Variants in STON2 observed in about 807,000 individuals in gnomAD.
STON2 encodes stonin 2.
Under a neutral mutation model 65.7 loss-of-function variants are expected in STON2, and 29 were observed. That is an observed-to-expected ratio of 0.44 (90% CI 0.33 to 0.60). The LOEUF (loss-of-function observed/expected upper bound fraction) is 0.60, where lower values mean the gene tolerates loss of function less well. STON2 is among the 20% of genes least tolerant of loss of function. The pLI is 0.03. For missense variants in STON2, 1,054 were observed against 1,118.1 expected (o/e 0.94, Z 0.82); for synonymous variants, 404 against 414.2 (o/e 0.98, Z 0.30).
intron 3 of STON2, among the ~76,000 whole-genome samples, chr14:81,376,249 C>G (rs957630639): frequency 6.6e-6 from 1 of 151,338 alleles, no homozygotes; most frequent in African/African-American, 2.4e-5. Flanking sequence ...TTAGAGAAGA[C>G]TAATAGAATT....
At position 81,263,344 on chromosome 14, in the gene STON2, G is replaced by T. The variant is rs1595257031; in HGVS notation, c.*5070C>A. On this transcript the variant is annotated 3_prime_UTR_variant, in exon 8 of 8. Transcript: ENST00000614646. ...ACCTGAGCTCAGAAGTTCAAGACCAGCTGGCCAACATAATGAAATCCCATC... is the reference window on the plus strand; with the variant it reads ...ACCTGAGCTCAGAAGTTCAAGACCATCTGGCCAACATAATGAAATCCCATC... Among the ~76,000 whole-genome samples the T allele has an allele frequency of 6.6e-6, 1 of 151,982 alleles. No homozygotes were observed. Among genetic ancestry groups the T allele is most frequent in the Non-Finnish European group, 1.5e-5 (1 of 67,966 alleles).
chr14:81,395,595 T>C (rs148964611), intron 3 of STON2: 4,319 of 310,352 alleles, frequency 0.014, 52 homozygotes, highest in Middle Eastern at 0.023. Context: ...TGAGTAAATA[T>C]AATTCCAATC....
At chr14:81,330,417 G>A (rs141532001) in intron 4 of STON2, among the ~76,000 whole-genome samples, 14 of 151,394 alleles carry the variant, frequency 9.2e-5, no homozygotes, top group Middle Eastern at 3.4e-3. Context: ...TTAGGGCTTT[G>A]GGATTTAGAG....
At position 81,264,878 on chromosome 14, in the gene STON2, G is replaced by A. The variant is rs1279137870; in HGVS notation, c.*3536C>T. On this transcript the variant is annotated 3_prime_UTR_variant, in exon 8 of 8. Transcript: ENST00000614646. ...GTCTCCCCACAAAGTGCCTCACATT[G>A]TCTTGTCTGACATGTCATGAGTACA... 5.1e-6 allele frequency: 5 copies of A among 985,282 alleles called. No individual in the cohort carries two copies. The highest frequency in any genetic ancestry group is 2.3e-4 in the East Asian group (2 of 8,828). 61.0% of individuals were successfully genotyped at this position (985,282 alleles called of 1,614,324 possible).
intron 3 of STON2, among the ~76,000 whole-genome samples, chr14:81,371,676 T>TAAAAAAAAAAAAAAA (rs34428344): frequency 1.0e-5 from 1 of 97,676 alleles, no homozygotes. Flanking sequence ...AGACTGAGTC[T>TAAAAAAAAAAAAAAA]AAAAAAAAAA....
At position 81,398,540 on chromosome 14, in the gene STON2, A is replaced by G; in HGVS notation, c.-158T>C. The G allele has an allele frequency of 2.0e-6, 1 of 498,374 alleles. No homozygotes were observed. Among genetic ancestry groups the G allele is most frequent in the Non-Finnish European group, 3.6e-6 (1 of 280,820 alleles). 30.9% of individuals were successfully genotyped at this position (498,374 alleles called of 1,614,324 possible). On this transcript the variant is annotated 5_prime_UTR_variant, in exon 2 of 8. Coordinates refer to ENST00000614646, the MANE Select transcript of STON2 (RefSeq NM_001394390.1). Reference sequence around the variant, plus strand: ...AGGGCAGTACTCAGAATGTAGACAGATCAGCCTCTCTTGCCGTTGGTTAAT... The same window carrying G: ...AGGGCAGTACTCAGAATGTAGACAGGTCAGCCTCTCTTGCCGTTGGTTAAT...
intron 4 of STON2, among the ~76,000 whole-genome samples, chr14:81,327,504 C>T (rs1169562436): frequency 2.0e-5 from 3 of 152,108 alleles, no homozygotes; most frequent in Admixed American, 6.5e-5. Flanking sequence ...AGTTAAAAGG[C>T]AGTCTTACGT....
chr14:81,404,573 GC>G (rs1447634392), upstream of STON2, among the ~76,000 whole-genome samples: 1 of 152,158 alleles, frequency 6.6e-6, no homozygotes, highest in Non-Finnish European at 1.5e-5. Flanking sequence ...CACTATCACA[GC>G]TCACTACAGC....
intron 2 of STON2, chr14:81,418,351 A>G (rs1385441334): frequency 6.6e-6 from 1 of 152,216 alleles, no homozygotes; most frequent in Non-Finnish European, 1.5e-5. Context: ...TGTCCCCATG[A>G]TTCAATGACC....
intron 4 of STON2, among the ~76,000 whole-genome samples, chr14:81,348,825 T>C (rs1897914301): frequency 1.3e-5 from 2 of 152,142 alleles, no homozygotes; most frequent in Non-Finnish European, 2.9e-5. Context: ...TCTGAAGGTA[T>C]CATACTACCT....
intron 2 of STON2, among the ~76,000 whole-genome samples, chr14:81,419,961 T>C (rs142555922): frequency 1.5e-3 from 225 of 152,270 alleles, no homozygotes; most frequent in African/African-American, 5.1e-3. Flanking sequence ...AACCTTCCAC[T>C]GGAGGGGCTG....
At position 81,399,812 on chromosome 14, in the gene STON2, G is replaced by A. The variant is rs151259368; in HGVS notation, c.-199+467C>T. ...CTTTTAGTGCTTCCAGGCCCTTTTG[G>A]TAAAATGCTTCCTCCAGGCTAAGTG... On this transcript the variant is annotated intron_variant, in intron 1 of 7. Transcript: ENST00000614646. Among the ~76,000 whole-genome samples, 34 of 152,196 alleles carry A rather than the reference G, an allele frequency of 2.2e-4. 2 individuals are homozygous for A. In the East Asian group the frequency reaches 6.4e-3, roughly 29 times the overall value.
At chr14:81,342,770 G>A (rs192341820) in intron 4 of STON2, among the ~76,000 whole-genome samples, 4 of 145,546 alleles carry the variant, frequency 2.7e-5, no homozygotes, top group Non-Finnish European at 4.4e-5. Flanking sequence ...GGTCTAGAAG[G>A]GGGGGCATGG....
intron 4 of STON2, among the ~76,000 whole-genome samples, chr14:81,354,745 A>G (rs1291684545): frequency 2.0e-5 from 3 of 152,198 alleles, no homozygotes; most frequent in Non-Finnish European, 2.9e-5. Flanking sequence ...GAGGCTGGGC[A>G]CGGTGGCTCA....
chr14:81,430,330 T>C (rs1595478043), intron 1 of STON2, among the ~76,000 whole-genome samples: 1 of 152,238 alleles, frequency 6.6e-6, no homozygotes, highest in African/African-American at 2.4e-5. Context: ...AGACTGAGCA[T>C]AATACTTCTC....
intron 1 of STON2, among the ~76,000 whole-genome samples, chr14:81,435,671 GCA>G (rs1902389579): frequency 6.6e-6 from 1 of 151,100 alleles, no homozygotes; most frequent in South Asian, 2.1e-4. Context: ...ACACGGACGC[GCA>G]CACACACGCA....
chr14:81,313,180 C>G (rs1256003817), intron 5 of STON2, among the ~76,000 whole-genome samples: 1 of 152,174 alleles, frequency 6.6e-6, no homozygotes, highest in Admixed American at 6.5e-5. Context: ...AAATCAAAAC[C>G]TATCTAGTGA....
chr14:81,316,402 C>T (rs953411462), intron 5 of STON2, among the ~76,000 whole-genome samples: 1 of 152,224 alleles, frequency 6.6e-6, no homozygotes, highest in Admixed American at 6.5e-5. Flanking sequence ...CATTGTTAAA[C>T]ACCTTCCTGC....
chr14:81,280,019 C>T (rs964784520), intron 5 of STON2, among the ~76,000 whole-genome samples: 2 of 152,046 alleles, frequency 1.3e-5, no homozygotes, highest in South Asian at 2.1e-4. Flanking sequence ...TTGAAGCCTA[C>T]AATAAAATAA....
Sources: gnomAD v4.1 joint callset for allele counts (sites outside exome capture counted in the v4.1 genomes callset) on GRCh38, gnomAD v4.1.1 for gene constraint, MANE v1.5 for transcripts, NCBI Gene and HGNC (gene_info 2026-07-23, HGNC 2026-07-21) for gene names.